Variants in GLRB observed in about 807,000 individuals in gnomAD.
The protein encoded by GLRB is glycine receptor beta.
GLRB carries 33 observed loss-of-function variants against 54.2 expected under a neutral mutation model. The observed-to-expected ratio is 0.61, with a 90% CI of 0.46 to 0.81. The LOEUF (loss-of-function observed/expected upper bound fraction) is 0.81, where lower values mean the gene tolerates loss of function less well. Among genes scored for constraint, GLRB ranks in the 40% least tolerant of loss-of-function variants. The pLI, the probability that GLRB is intolerant of heterozygous loss-of-function variation, is 0.00. For synonymous variants in GLRB, 209 were observed against 208.2 expected (o/e 1.00, Z -0.03); for missense variants, 572 against 584.6 (o/e 0.98, Z 0.22).
chr4:157,144,224 A>C (rs1348547794), intron 8 of GLRB, among the ~76,000 whole-genome samples: 1 of 152,216 alleles, frequency 6.6e-6, no homozygotes, highest in East Asian at 1.9e-4. Context: ...ATTATTTATA[A>C]GTGATTTTCA....
chr4:157,085,680 G>A (rs148496717), intron 2 of GLRB, among the ~76,000 whole-genome samples: 2,673 of 152,048 alleles, frequency 0.018, 60 homozygotes, highest in African/African-American at 0.059. Flanking sequence ...TGTGTTTTCA[G>A]TAGAGATGGG....
At chr4:157,135,179 A>G (rs115664747) in intron 4 of GLRB, among the ~76,000 whole-genome samples, 2,984 of 152,246 alleles carry the variant, frequency 0.02, 75 homozygotes, top group African/African-American at 0.066. Flanking sequence ...ACAAGTATGT[A>G]AAATATACCT....
chr4:157,159,448 G>A (rs1461695371), intron 9 of GLRB, among the ~76,000 whole-genome samples: 2 of 152,126 alleles, frequency 1.3e-5, no homozygotes, highest in African/African-American at 4.8e-5. Context: ...TGCCCATTGA[G>A]TATGATATTG....
At chr4:157,148,027 A>G (rs1736881685) in intron 8 of GLRB, among the ~76,000 whole-genome samples, 1 of 152,206 alleles carries the variant, frequency 6.6e-6, no homozygotes, top group Non-Finnish European at 1.5e-5. Context: ...CCATAGTATC[A>G]GAAGAGAAGG....
intron 7 of GLRB, among the ~76,000 whole-genome samples, chr4:157,141,265 G>C (rs1736599258): frequency 2.0e-5 from 3 of 151,842 alleles, no homozygotes; most frequent in Admixed American, 1.3e-4. Context: ...CACTTAGTAT[G>C]TTTCAGGGAC....
chr4:157,115,220 T>G (rs1015087746), intron 2 of GLRB, among the ~76,000 whole-genome samples: 1 of 151,478 alleles, frequency 6.6e-6, no homozygotes, highest in African/African-American at 2.4e-5. Flanking sequence ...TTTGTTCCGG[T>G]GTCCTTCCAT....
chr4:157,082,964 T>TTA (rs58330518), intron 2 of GLRB, among the ~76,000 whole-genome samples: 9,282 of 139,492 alleles, frequency 0.067, 358 homozygotes, highest in East Asian at 0.12. Flanking sequence ...GAATAGTGTT[T>TTA]TATATATATA....
intron 4 of GLRB, among the ~76,000 whole-genome samples, chr4:157,126,192 C>G (rs977260813): frequency 6.6e-6 from 1 of 151,786 alleles, no homozygotes; most frequent in Admixed American, 6.6e-5. Flanking sequence ...GAAATTTTAA[C>G]CAATTCTATT....
intron 2 of GLRB, among the ~76,000 whole-genome samples, chr4:157,080,880 A>G (rs149321484): frequency 6.6e-6 from 1 of 152,150 alleles, no homozygotes; most frequent in East Asian, 1.9e-4. Context: ...GAAATCTTCC[A>G]GTTTTACTGT....
intron 8 of GLRB, 23 bp from the exon 9 acceptor site, chr4:157,152,695 C>A: frequency 6.2e-7 from 1 of 1,604,936 alleles, no homozygotes; most frequent in Non-Finnish European, 8.5e-7. Flanking sequence ...AAGCAACTTT[C>A]ATTCCTCTTT....
intron 2 of GLRB, among the ~76,000 whole-genome samples, chr4:157,107,900 A>G (rs1412421055): frequency 6.6e-6 from 1 of 152,144 alleles, no homozygotes; most frequent in South Asian, 2.1e-4. Flanking sequence ...GGCTAATGCA[A>G]CTGGTGACTT....
chr4:157,165,134 A>ACCCAT (rs1467277611), intron 9 of GLRB, among the ~76,000 whole-genome samples: 2 of 152,052 alleles, frequency 1.3e-5, no homozygotes. Context: ...TAAACTTTGT[A>ACCCAT]CCCATAGAAT....
At position 157,120,579 on chromosome 4, in the gene GLRB, C is replaced by T; in HGVS notation, c.146C>T (p.Ala49Val). 1 of 1,596,562 alleles carries T rather than the reference C, an allele frequency of 6.3e-7. No homozygotes were observed. Among genetic ancestry groups the T allele is most frequent in the Non-Finnish European group, 8.6e-7 (1 of 1,166,170 alleles). ...CPSQQSAEDL[A>V]RVPANSTSNI... is the part of the protein sequence containing the mutation. The stretch of plus-strand genomic sequence containing the variant: ...AGTCAGCAGTCAGCAGAGGACCTTG[C>T]CCGAGTACCTGCCAACTCCACTAGC... The change falls in exon 3 of 10, where the codon GCC becomes GTC. Residue 49 changes from alanine to valine, a missense_variant. Physicochemically the swap from Ala to Val is moderately conservative, Grantham distance 64 (BLOSUM62 0). Transcript: ENST00000264428.
At chr4:157,087,473 A>G (rs1009404642) in intron 2 of GLRB, among the ~76,000 whole-genome samples, 3 of 152,130 alleles carry the variant, frequency 2.0e-5, no homozygotes, top group South Asian at 4.1e-4. Flanking sequence ...ATCTTTTATG[A>G]TACAATGCGG....
chr4:157,164,880 A>G (rs1737651782), intron 9 of GLRB, among the ~76,000 whole-genome samples: 1 of 152,174 alleles, frequency 6.6e-6, no homozygotes. Flanking sequence ...AATTAAAACT[A>G]ATAATTAAAA....
At chr4:157,082,948 A>G (rs1734274045) in intron 2 of GLRB, among the ~76,000 whole-genome samples, 1 of 143,608 alleles carries the variant, frequency 7.0e-6, no homozygotes, top group South Asian at 2.2e-4. Context: ...TAATTATCAG[A>G]CAAATGAATA....
At chr4:157,136,388 A>T (rs1736398529) in intron 4 of GLRB, 81 bp from the exon 5 acceptor site, 1 of 795,898 alleles carries the variant, frequency 1.3e-6, no homozygotes, top group Admixed American at 2.0e-5. Flanking sequence ...AATCATTGTA[A>T]CCCTTTTTGT....
chr4:157,117,035 C>T (rs1305405370), intron 2 of GLRB, among the ~76,000 whole-genome samples: 1 of 151,426 alleles, frequency 6.6e-6, no homozygotes, highest in South Asian at 2.1e-4. Flanking sequence ...TGCTAACGAA[C>T]AAAAATTTGT....
chr4:157,136,726 A>T (rs373536708), intron 5 of GLRB, 28 bp downstream of exon 5: 2 of 1,525,014 alleles, frequency 1.3e-6, no homozygotes, highest in East Asian at 4.5e-5. Flanking sequence ...ATATTTGTGC[A>T]TTTATATTTT....
Sources: allele counts gnomAD v4.1 joint callset (sites outside exome capture counted in the v4.1 genomes callset), GRCh38; gene constraint gnomAD v4.1.1; transcripts MANE v1.5; gene names NCBI Gene and HGNC (gene_info 2026-07-23, HGNC 2026-07-21).